MMEL1: variants seen among roughly 807,000 people sequenced by gnomAD.
MMEL1 encodes membrane metalloendopeptidase like 1.
A neutral mutation model predicts 117.1 loss-of-function variants in MMEL1; 98 were observed. The ratio of observed to expected loss-of-function variants is 0.84; its 90% CI spans 0.71 to 0.99. The LOEUF (loss-of-function observed/expected upper bound fraction) is 0.99, where lower values mean the gene tolerates loss of function less well. MMEL1 is among the 50% of genes least tolerant of loss of function. MMEL1 has a pLI of 0.00. For synonymous variants in MMEL1, 390 were observed against 415.1 expected (o/e 0.94, Z 0.74); for missense variants, 1,014 against 1,049.1 (o/e 0.97, Z 0.46).
chr1:2,592,924 C>G lies in MMEL1; in HGVS notation c.1910G>C (p.Ser637Thr). ...CCGGAAGTGCTGGGTGGAGAAGTTACTCCACCAATCCATCATGTTGCCATT... is the reference window on the plus strand; with the variant it reads ...CCGGAAGTGCTGGGTGGAGAAGTTAGTCCACCAATCCATCATGTTGCCATT... ...DKNGNMMDWW[S>T]NFSTQHFREQ... The change falls in exon 20 of 24, where the codon AGT becomes ACT. Residue 637 changes from serine (S) to threonine (T), a missense_variant. Ser to Thr is a moderately conservative substitution (Grantham distance 58). Transcript: ENST00000378412. 1 of 1,613,810 alleles carries G rather than the reference C, an allele frequency of 6.2e-7. No homozygotes were observed. Among genetic ancestry groups the G allele is most frequent in the East Asian group, 2.2e-5 (1 of 44,832 alleles).
chr1:2,626,538 G>T (rs937437969), intron 2 of MMEL1, among the ~76,000 whole-genome samples: 1 of 152,242 alleles, frequency 6.6e-6, no homozygotes, highest in Non-Finnish European at 1.5e-5. Context: ...GTCTGGCTGT[G>T]TTCCAATAAA....
chr1:2,596,477 G>C, intron 14 of MMEL1, 84 bp downstream of exon 14: 1 of 1,539,092 alleles, frequency 6.5e-7, no homozygotes, highest in Non-Finnish European at 8.8e-7. Flanking sequence ...CTGAGCCTGG[G>C]CGGGGTGGGA....
At chr1:2,607,878 C>A (rs1354983199) in intron 6 of MMEL1, among the ~76,000 whole-genome samples, 1 of 152,056 alleles carries the variant, frequency 6.6e-6, no homozygotes, top group East Asian at 1.9e-4. Flanking sequence ...TGTGATGAGG[C>A]AGGCCCCGGC....
At chr1:2,606,704 G>A (rs541023381) in intron 7 of MMEL1, among the ~76,000 whole-genome samples, 2 of 152,164 alleles carry the variant, frequency 1.3e-5, no homozygotes, top group South Asian at 4.1e-4. Context: ...GCTGGGGCCT[G>A]AGTGTCGAGC....
At position 2,632,987 on chromosome 1, in the gene MMEL1, C is replaced by T; in HGVS notation, c.-159G>A. 7.1e-6 allele frequency: 7 copies of T among 985,942 alleles called. No individual in the cohort carries two copies. Among genetic ancestry groups the T allele is most frequent in the Non-Finnish European group, 8.4e-6 (7 of 830,342 alleles). The allele number at this position is 985,942 out of a possible 1,614,324, so 61.1% of individuals were successfully genotyped here. ...ATTTCCAGGGACTGGGATGGGAGAG[C>T]AGTGGCTTGGGGCTGAGTTGAGGCT... On this transcript the variant is annotated 5_prime_UTR_variant, in exon 1 of 24. Transcript: ENST00000378412.
At chr1:2,620,974 T>A (rs1021202063) in intron 2 of MMEL1, among the ~76,000 whole-genome samples, 1 of 152,172 alleles carries the variant, frequency 6.6e-6, no homozygotes, top group Non-Finnish European at 1.5e-5. Flanking sequence ...CAGGCACAGC[T>A]GACCAGCATT....
intron 11 of MMEL1, among the ~76,000 whole-genome samples, chr1:2,600,951 A>T (rs1644922029): frequency 1.3e-5 from 2 of 152,198 alleles, no homozygotes; most frequent in African/African-American, 4.8e-5. Flanking sequence ...TATTAAGAAA[A>T]ATTGAAGCAT....
Position 2,604,944 on chromosome 1 carries a change from C to A in MMEL1, c.816+614G>T, listed in dbSNP as rs569496997. On this transcript the variant is annotated intron_variant, in intron 9 of 23. Coordinates refer to ENST00000378412, the MANE Select transcript of MMEL1 (RefSeq NM_033467.4). ...ACACGGCCCTTCCTCTGGGCTTGGT[C>A]ATCCTTCAAAGTCTAGTTCATAGCC... Among the ~76,000 whole-genome samples, 4 of 152,338 alleles carry A rather than the reference C, an allele frequency of 2.6e-5. No individual in the cohort carries two copies. In the East Asian group the frequency reaches 7.7e-4, roughly 29 times the overall value.
chr1:2,598,073 G>T, intron 13 of MMEL1, 134 bp downstream of exon 13: 1 of 779,032 alleles, frequency 1.3e-6, no homozygotes, highest in Non-Finnish European at 2.2e-6. Context: ...CCCCACTGGG[G>T]TGGGCGCCTC....
intron 2 of MMEL1, 58 bp downstream of exon 2, chr1:2,629,273 C>A: frequency 6.7e-7 from 1 of 1,482,718 alleles, no homozygotes; most frequent in South Asian, 1.3e-5. Context: ...GCAGGTGCAG[C>A]GGGGCGAGCG....
intron 6 of MMEL1, 69 bp downstream of exon 6, chr1:2,609,270 G>T (rs1347910216): frequency 7.4e-6 from 11 of 1,490,298 alleles, no homozygotes; most frequent in Non-Finnish European, 8.3e-6. Flanking sequence ...CTGGGGCTGC[G>T]CTAGGCCCTG....
chr1:2,629,718 T>G, intron 1 of MMEL1, 197 bp from the exon 2 acceptor site: 1 of 507,316 alleles, frequency 2.0e-6, no homozygotes. Context: ...CCGGAATCTC[T>G]GAGTGCATGG....
intron 11 of MMEL1, among the ~76,000 whole-genome samples, chr1:2,599,615 T>C (rs1644899023): frequency 6.6e-6 from 1 of 152,198 alleles, no homozygotes; most frequent in African/African-American, 2.4e-5. Flanking sequence ...CCCAACACTT[T>C]GGGAGGTCGA....
chr1:2,626,616 C>T (rs1638297118), intron 2 of MMEL1, among the ~76,000 whole-genome samples: 1 of 152,246 alleles, frequency 6.6e-6, no homozygotes, highest in Non-Finnish European at 1.5e-5. Context: ...AACCCCTGTA[C>T]TAGAAAATGA....
intron 2 of MMEL1, among the ~76,000 whole-genome samples, chr1:2,617,717 A>C (rs561689969): frequency 6.6e-6 from 1 of 152,208 alleles, no homozygotes; most frequent in African/African-American, 2.4e-5. Context: ...ATGAACCTCC[A>C]GACCCCATAC....
intron 2 of MMEL1, among the ~76,000 whole-genome samples, chr1:2,622,867 G>C (rs1443602141): frequency 3.0e-5 from 4 of 134,980 alleles, no homozygotes; most frequent in Non-Finnish European, 6.1e-5. Context: ...CTGGGTGAAA[G>C]AGTGAAACTC....
chr1:2,609,014 A>G (rs1645080762), intron 6 of MMEL1, among the ~76,000 whole-genome samples: 1 of 151,812 alleles, frequency 6.6e-6, no homozygotes, highest in Non-Finnish European at 1.5e-5. Flanking sequence ...ACATATATAC[A>G]CATACTCATA....
At chr1:2,592,212 C>A (rs1244002108) in intron 21 of MMEL1, among the ~76,000 whole-genome samples, 185 bp from the exon 22 acceptor site, 1 of 89,920 alleles carries the variant, frequency 1.1e-5, no homozygotes, top group Non-Finnish European at 2.1e-5. Context: ...GACCCCTGAG[C>A]TGGGCCCTCG....
At chr1:2,591,690 T>TGGCAGGGGGGGGG in intron 22 of MMEL1, 57 bp from the exon 23 acceptor site, 1 of 376,508 alleles carries the variant, frequency 2.7e-6, no homozygotes, top group Admixed American at 3.3e-5. Context: ...CCAGGAGGGG[T>TGGCAGGGGGGGGG]GGGGGAGGGT....
Sources: gnomAD v4.1 joint callset for allele counts (sites outside exome capture counted in the v4.1 genomes callset) on GRCh38, gnomAD v4.1.1 for gene constraint, MANE v1.5 for transcripts, NCBI Gene and HGNC (gene_info 2026-07-23, HGNC 2026-07-21) for gene names.